The following TGM3 variants were observed in gnomAD, a reference collection of about 807,000 sequenced individuals.
TGM3 encodes transglutaminase 3, also known as protein-glutamine gamma-glutamyltransferase E.
Under a neutral mutation model 73.8 loss-of-function variants are expected in TGM3, and 52 were observed. That is an observed-to-expected ratio of 0.70 (90% confidence interval 0.56 to 0.89). The LOEUF (loss-of-function observed/expected upper bound fraction) is 0.89. Ranked by LOEUF, TGM3 falls within the 40% of genes least tolerant of loss-of-function variation. The pLI, the probability that TGM3 is intolerant of heterozygous loss-of-function variation, is 0.00. For missense variants in TGM3, 928 were observed against 909.9 expected (o/e 1.02, Z -0.26); for synonymous variants, 372 against 354.9 (o/e 1.05, Z -0.54).
At chr20:2,319,362 G>T (rs2084251571) in intron 7 of TGM3, among the ~76,000 whole-genome samples, 1 of 152,162 alleles carries the variant, frequency 6.6e-6, no homozygotes, top group Non-Finnish European at 1.5e-5. Flanking sequence ...AGGAGGCACG[G>T]GGTGGGGAGG....
intron 7 of TGM3, among the ~76,000 whole-genome samples, chr20:2,317,943 CATAT>C (rs61329150): frequency 1.7e-4 from 6 of 36,192 alleles, no homozygotes; most frequent in Non-Finnish European, 5.1e-4. Flanking sequence ...ATATATATAT[CATAT>C]ATATATATAT....
At chr20:2,336,352 A>T (rs2084351213) in intron 11 of TGM3, among the ~76,000 whole-genome samples, 1 of 152,126 alleles carries the variant, frequency 6.6e-6, no homozygotes, top group East Asian at 1.9e-4. Context: ...CAAGAGCCTC[A>T]TGGGCCAGGC....
intron 1 of TGM3, among the ~76,000 whole-genome samples, chr20:2,305,607 A>G (rs1388055828): frequency 3.3e-5 from 5 of 152,156 alleles, no homozygotes; most frequent in African/African-American, 1.2e-4. Flanking sequence ...AGTGAGCCCC[A>G]CTTTTCCTCC....
intron 8 of TGM3, 141 bp from the exon 9 acceptor site, chr20:2,327,979 G>A (rs979088280): frequency 2.5e-6 from 3 of 1,199,402 alleles, no homozygotes; most frequent in African/African-American, 3.0e-5. Context: ...TGCCAAATGA[G>A]TGGGACACAC....
chr20:2,321,040 G>A (rs2084260050), intron 7 of TGM3, among the ~76,000 whole-genome samples: 2 of 152,150 alleles, frequency 1.3e-5, no homozygotes, highest in Non-Finnish European at 2.9e-5. Context: ...GGCTCCTCAT[G>A]CAATCTCTCC....
At chr20:2,311,700 A>G (rs1190254772) in intron 4 of TGM3, among the ~76,000 whole-genome samples, 2 of 152,182 alleles carry the variant, frequency 1.3e-5, no homozygotes, top group African/African-American at 4.8e-5. Context: ...GGTGCCTTGG[A>G]TATCAGAAAG....
Position 2,328,466 on chromosome 20 carries a change from C to A in TGM3, c.1333+101C>A. On this transcript the variant is annotated intron_variant, in intron 9 of 12. Transcript: ENST00000381458. This position sits in a 1 kb window ranked among gnomAD's most constrained non-coding sequence, Gnocchi z 5.2. Reference sequence around the variant, plus strand: ...AAAGTCCTCACCTCCCCCGCACTGGCAGCCAGTTCTGCCTGAATGATAGGA... The same window carrying A: ...AAAGTCCTCACCTCCCCCGCACTGGAAGCCAGTTCTGCCTGAATGATAGGA... The A allele has an allele frequency of 6.7e-7, 1 of 1,491,792 alleles. No homozygotes were observed. Among genetic ancestry groups the A allele is most frequent in the Non-Finnish European group, 9.1e-7 (1 of 1,103,950 alleles). 92.4% of individuals were successfully genotyped at this position (1,491,792 alleles called of 1,614,324 possible). A position where few individuals can be genotyped will look rare whatever the true frequency, so the allele number is the denominator to read the frequency against.
intron 1 of TGM3, among the ~76,000 whole-genome samples, chr20:2,307,185 A>G (rs2084180529): frequency 6.6e-6 from 1 of 152,208 alleles, no homozygotes; most frequent in African/African-American, 2.4e-5. Flanking sequence ...AATGAATTTT[A>G]GCACCCTCAG....
At chr20:2,306,677 A>C (rs1390814546) in intron 1 of TGM3, among the ~76,000 whole-genome samples, 1 of 152,014 alleles carries the variant, frequency 6.6e-6, no homozygotes, top group Non-Finnish European at 1.5e-5. Flanking sequence ...GGGTTTTGCC[A>C]TATTGTCCAG....
Position 2,340,851 on chromosome 20 carries a change from C to T in TGM3, c.*270C>T. ...CTGCTCTGTGAGCCCCACAGCCCTG[C>T]TCATTCCTCACGCCCTTCAATGCTG... On this transcript the variant is annotated 3_prime_UTR_variant, in exon 13 of 13. Coordinates refer to ENST00000381458, the MANE Select transcript of TGM3 (RefSeq NM_003245.4). 1 of 593,204 alleles carries T rather than the reference C, an allele frequency of 1.7e-6. No individual in the cohort carries two copies. The highest frequency in any genetic ancestry group is 3.2e-6 in the Non-Finnish European group (1 of 315,858). The allele number at this position is 593,204 out of a possible 1,614,324, so 36.7% of individuals were successfully genotyped here.
chr20:2,315,715 AC>A (rs1445124337), intron 5 of TGM3, among the ~76,000 whole-genome samples: 6 of 152,346 alleles, frequency 3.9e-5, no homozygotes, highest in South Asian at 4.1e-4. Flanking sequence ...ACTACAAAAG[AC>A]ACCTCAGAGC....
chr20:2,330,764 G>C (rs1048696889), intron 9 of TGM3, among the ~76,000 whole-genome samples: 6 of 152,130 alleles, frequency 3.9e-5, no homozygotes, highest in African/African-American at 1.2e-4. Context: ...CCAGCACTTT[G>C]AGAGGCCAAG....
At chr20:2,307,124 A>T (rs541301186) in intron 1 of TGM3, among the ~76,000 whole-genome samples, 1 of 152,148 alleles carries the variant, frequency 6.6e-6, no homozygotes, top group African/African-American at 2.4e-5. Context: ...CTATTAATTT[A>T]TTCTTTCAAT....
Position 2,332,533 on chromosome 20 carries a change from C to T in TGM3, c.1642+223C>T, listed in dbSNP as rs1199424656. Among the ~76,000 whole-genome samples, 1 of 149,422 alleles carries T rather than the reference C, an allele frequency of 6.7e-6. No homozygotes were observed. Among genetic ancestry groups the T allele is most frequent in the Non-Finnish European group, 1.5e-5 (1 of 68,020 alleles). On this transcript the variant is annotated intron_variant, in intron 10 of 12. Coordinates refer to ENST00000381458, the MANE Select transcript of TGM3 (RefSeq NM_003245.4). This position sits in a 1 kb window ranked among gnomAD's most constrained non-coding sequence, Gnocchi z 4.4. ...GGTGCCAACCAAAATCCTTTTACGC[C>T]CCAAGGGAGGAAGGAGGGAGGCTTT...
At chr20:2,330,075 C>T (rs139286182) in intron 9 of TGM3, among the ~76,000 whole-genome samples, 44 of 152,182 alleles carry the variant, frequency 2.9e-4, no homozygotes, top group African/African-American at 1.0e-3. Flanking sequence ...CCCTGAAGGA[C>T]TCCCAGCAAT....
intron 7 of TGM3, among the ~76,000 whole-genome samples, chr20:2,323,242 T>C (rs1229124197): frequency 3.3e-5 from 5 of 152,238 alleles, no homozygotes; most frequent in Non-Finnish European, 4.4e-5. Context: ...GTCCCCAAAG[T>C]CCATTGCGTC....
intron 4 of TGM3, among the ~76,000 whole-genome samples, 173 bp from the exon 5 acceptor site, chr20:2,312,725 G>A (rs889606948): frequency 5.3e-5 from 8 of 152,190 alleles, no homozygotes; most frequent in African/African-American, 1.9e-4. Context: ...CTCTGGATGA[G>A]TTTGCGGGGT....
chr20:2,330,053 G>A (rs7267044), intron 9 of TGM3, among the ~76,000 whole-genome samples: 1 of 152,042 alleles, frequency 6.6e-6, no homozygotes, highest in Non-Finnish European at 1.5e-5. Context: ...TTGTGGGGGT[G>A]GGGGAGGGGG....
Position 2,329,662 on chromosome 20 carries a change from G to A in TGM3, c.1333+1297G>A, listed in dbSNP as rs1266602749. On this transcript the variant is annotated intron_variant, in intron 9 of 12. Coordinates refer to ENST00000381458, the MANE Select transcript of TGM3 (RefSeq NM_003245.4). Reference sequence around the variant, plus strand: ...ATAGGGGGTCAGGGAGCAAAAACTCGGGGGCGGAAGGTGAACTCTAGCCCT... The same window carrying A: ...ATAGGGGGTCAGGGAGCAAAAACTCAGGGGCGGAAGGTGAACTCTAGCCCT... Among the ~76,000 whole-genome samples the A allele has an allele frequency of 2.0e-5, 3 of 152,044 alleles. No homozygotes were observed. The East Asian group carries it at 5.8e-4, about 29-fold the overall frequency.
Sources: gnomAD v4.1 joint callset for allele counts (sites outside exome capture counted in the v4.1 genomes callset) on GRCh38, gnomAD v4.1.1 for gene constraint, Gnocchi (gnomAD v3.1) non-coding constraint, MANE v1.5 for transcripts, NCBI Gene and HGNC (gene_info 2026-07-23, HGNC 2026-07-21) for gene names.